The following TBC1D22A variants were observed in gnomAD, a reference collection of about 807,000 sequenced individuals.
TBC1D22A encodes the protein putative GTPase activator.
Under a neutral mutation model 60.2 loss-of-function variants are expected in TBC1D22A, and 38 were observed. The ratio of observed to expected loss-of-function variants is 0.63; its 90% CI spans 0.49 to 0.83. TBC1D22A has a LOEUF of 0.83. Among genes scored for constraint, TBC1D22A ranks in the 40% least tolerant of loss-of-function variants. The probability of loss-of-function intolerance (pLI) is 0.00; values close to 1 mark genes in which losing one functional copy is unlikely to be tolerated. For missense variants in TBC1D22A, 628 were observed against 701.0 expected, an observed-to-expected ratio of 0.90 and a Z score of 1.18; for synonymous variants, 302 against 281.7, an observed-to-expected ratio of 1.07 and a Z score of -0.72.
intron 10 of TBC1D22A, among the ~76,000 whole-genome samples, chr22:47,021,400 C>T (rs1009778724): frequency 7.3e-5 from 11 of 150,774 alleles, no homozygotes; most frequent in South Asian, 2.1e-4. Flanking sequence ...CCTAGCAGAA[C>T]TCCACCTGTA....
At chr22:46,860,632 G>T (rs2087820098) in intron 4 of TBC1D22A, among the ~76,000 whole-genome samples, 1 of 151,702 alleles carries the variant, frequency 6.6e-6, no homozygotes, top group African/African-American at 2.4e-5. Flanking sequence ...GCGCAGTGCT[G>T]TGCCCCTTCC....
At chr22:47,050,936 C>T (rs551978200) in intron 11 of TBC1D22A, among the ~76,000 whole-genome samples, 6 of 152,070 alleles carry the variant, frequency 3.9e-5, no homozygotes, top group African/African-American at 9.6e-5. Context: ...CACACCAATG[C>T]GGTGGAGGGA....
chr22:47,007,403 G>A (rs1310611602), intron 10 of TBC1D22A, among the ~76,000 whole-genome samples: 1 of 152,242 alleles, frequency 6.6e-6, no homozygotes, highest in Non-Finnish European at 1.5e-5. Flanking sequence ...GTGTCACAGA[G>A]CTACAGGTGC....
intron 11 of TBC1D22A, among the ~76,000 whole-genome samples, chr22:47,097,620 A>G (rs1263183362): frequency 1.3e-5 from 2 of 151,826 alleles, no homozygotes; most frequent in Admixed American, 1.3e-4. Context: ...CAAAAAAAAA[A>G]GAAAGAAAAA....
intron 8 of TBC1D22A, among the ~76,000 whole-genome samples, chr22:46,966,595 T>C (rs898129385): frequency 3.3e-5 from 5 of 152,212 alleles, no homozygotes; most frequent in Non-Finnish European, 5.9e-5. Context: ...GCCACAAGAA[T>C]ACTATGAGAT....
intron 12 of TBC1D22A, among the ~76,000 whole-genome samples, chr22:47,119,965 T>G (rs923962675): frequency 1.3e-5 from 2 of 152,110 alleles, no homozygotes; most frequent in Non-Finnish European, 2.9e-5. Flanking sequence ...TCAGCCTCCT[T>G]CACGGCACCC....
At chr22:46,772,917 T>C (rs2083551855) in intron 1 of TBC1D22A, among the ~76,000 whole-genome samples, 1 of 152,164 alleles carries the variant, frequency 6.6e-6, no homozygotes, top group Non-Finnish European at 1.5e-5. Flanking sequence ...CATGAGCCAC[T>C]GCATGTGGCC....
intron 8 of TBC1D22A, among the ~76,000 whole-genome samples, chr22:46,960,808 G>A (rs1030272955): frequency 1.3e-5 from 2 of 151,944 alleles, no homozygotes; most frequent in Admixed American, 6.6e-5. Flanking sequence ...TTAGCCAGGC[G>A]TGGTGGCGGG....
intron 4 of TBC1D22A, among the ~76,000 whole-genome samples, chr22:46,842,326 A>G (rs531349236): frequency 6.6e-6 from 1 of 152,354 alleles, no homozygotes; most frequent in East Asian, 1.9e-4. Context: ...ATGGGATCTA[A>G]GACTTGGAAT....
At chr22:47,168,113 G>A (rs117152570) in intron 12 of TBC1D22A, among the ~76,000 whole-genome samples, 1,793 of 152,346 alleles carry the variant, frequency 0.012, 17 homozygotes, top group Non-Finnish European at 0.017. Flanking sequence ...TTGCTTCACC[G>A]GACTCTGCGA....
chr22:46,912,630 A>C (rs2070031675), intron 8 of TBC1D22A, among the ~76,000 whole-genome samples: 1 of 152,122 alleles, frequency 6.6e-6, no homozygotes, highest in African/African-American at 2.4e-5. Flanking sequence ...GATATCGGCT[A>C]ACTGCAACCT....
chr22:46,912,002 A>C, intron 7 of TBC1D22A, 72 bp from the exon 8 acceptor site: 1 of 960,628 alleles, frequency 1.0e-6, no homozygotes, highest in Non-Finnish European at 1.7e-6. Flanking sequence ...ATTTTAAGTA[A>C]TAGAATGCTT....
At chr22:46,766,295 C>G (rs1467687013) in intron 1 of TBC1D22A, among the ~76,000 whole-genome samples, 3 of 151,954 alleles carry the variant, frequency 2.0e-5, no homozygotes. Flanking sequence ...CTGTGCCCGG[C>G]AATTTTTGTA....
chr22:47,149,030 G>A (rs994724338), intron 12 of TBC1D22A, among the ~76,000 whole-genome samples: 1 of 150,600 alleles, frequency 6.6e-6, no homozygotes, highest in African/African-American at 2.5e-5. Context: ...GTGAGTGGAC[G>A]AGTAGGCAGA....
chr22:47,065,424 G>A (rs1018204015), intron 11 of TBC1D22A, among the ~76,000 whole-genome samples: 2 of 152,228 alleles, frequency 1.3e-5, no homozygotes, highest in African/African-American at 4.8e-5. Context: ...GCTCTGTGCA[G>A]GTGGTAGCCT....
chr22:47,022,513 C>G (rs144401020), intron 10 of TBC1D22A, among the ~76,000 whole-genome samples: 37 of 151,114 alleles, frequency 2.4e-4, no homozygotes, highest in African/African-American at 8.5e-4. Context: ...GAAAGCAACT[C>G]AGAACCAAAG....
At chr22:47,155,263 CA>C (rs1446789970) in intron 12 of TBC1D22A, among the ~76,000 whole-genome samples, 1 of 152,126 alleles carries the variant, frequency 6.6e-6, no homozygotes, top group African/African-American at 2.4e-5. Flanking sequence ...ATCGCTGTGC[CA>C]TGAGAGACTC....
At chr22:46,850,659 G>C (rs2087232009) in intron 4 of TBC1D22A, among the ~76,000 whole-genome samples, 1 of 152,188 alleles carries the variant, frequency 6.6e-6, no homozygotes, top group Non-Finnish European at 1.5e-5. Context: ...CATGTGAAGA[G>C]CTGCCATGTG....
intron 1 of TBC1D22A, among the ~76,000 whole-genome samples, chr22:46,768,963 A>C (rs1487705031): frequency 6.6e-6 from 1 of 152,030 alleles, no homozygotes; most frequent in Non-Finnish European, 1.5e-5. Flanking sequence ...ACATTGTGGC[A>C]GGCATCTATA....
Sources: allele counts gnomAD v4.1 joint callset (sites outside exome capture counted in the v4.1 genomes callset), GRCh38; gene constraint gnomAD v4.1.1; transcripts MANE v1.5; gene names NCBI Gene and HGNC (gene_info 2026-07-23, HGNC 2026-07-21).